ALG14: variants seen among roughly 807,000 people sequenced by gnomAD.
ALG14 encodes the protein ALG14 UDP-N-acetylglucosaminyltransferase subunit, also known as UDP-N-acetylglucosamine transferase subunit ALG14.
In ALG14, 17 loss-of-function variants were observed where a neutral mutation model predicts 22.8. The observed-to-expected ratio is 0.75, with a 90% CI of 0.51 to 1.12. The LOEUF is 1.12. ALG14 is among the 50% of genes most tolerant of loss of function. The pLI, the probability that ALG14 is intolerant of heterozygous loss-of-function variation, is 0.00. For missense variants in ALG14, 288 were observed against 271.8 expected (o/e 1.06, Z -0.42); for synonymous variants, 89 against 103.7 (o/e 0.86, Z 0.86).
intron 3 of ALG14, among the ~76,000 whole-genome samples, chr1:94,984,203 C>T (rs914008613): frequency 1.3e-5 from 2 of 152,156 alleles, no homozygotes; most frequent in African/African-American, 4.8e-5. Flanking sequence ...CTTTATTCCA[C>T]AAACCATAAA....
intron 2 of ALG14, among the ~76,000 whole-genome samples, chr1:95,035,090 C>T (rs1674140626): frequency 6.6e-6 from 1 of 152,224 alleles, no homozygotes; most frequent in Non-Finnish European, 1.5e-5. Flanking sequence ...AACTTTAGGC[C>T]TCAAGGCCCT....
intron 2 of ALG14, among the ~76,000 whole-genome samples, chr1:95,046,968 C>CA (rs1379835335): frequency 1.5e-5 from 2 of 130,946 alleles, no homozygotes; most frequent in Admixed American, 7.7e-5. Context: ...CCCTGTCTCA[C>CA]AAAAAAACAT....
intron 3 of ALG14, among the ~76,000 whole-genome samples, chr1:95,013,011 C>G (rs1673409517): frequency 6.6e-6 from 1 of 151,640 alleles, no homozygotes; most frequent in African/African-American, 2.4e-5. Flanking sequence ...TGGCAGGCAC[C>G]TATAATCCCA....
At position 95,056,748 on chromosome 1, in the gene ALG14, A is replaced by C. The variant is rs1363456014; in HGVS notation, c.288+8118T>G. ...AATATAAATTTGGATTCCTAAAGGA[A>C]AATATAAACATTAAAATCTAAAACT... On this transcript the variant is annotated intron_variant, in intron 2 of 3. Coordinates refer to ENST00000370205, the MANE Select transcript of ALG14 (RefSeq NM_144988.4). Among the ~76,000 whole-genome samples, 454 of 152,044 alleles carry C rather than the reference A, an allele frequency of 3.0e-3. 18 individuals carry two copies. In the East Asian group the frequency reaches 0.086, roughly 29 times the overall value.
At position 95,072,823 on chromosome 1, in the gene ALG14, GCA is replaced by G. The variant is rs1410900687; in HGVS notation, c.74_75del (p.Val25AlafsTer26). ...AVFLILRIWV[V>X]LRSMDVTPRE... The stretch of plus-strand genomic sequence containing the variant: ...CGGGGCGTAACGTCCATGGAACGAA[GCA>G]CTACCCATATTCGCAGGATTAGGAA... On this transcript the variant is annotated frameshift_variant, in exon 1 of 4. Transcript: ENST00000370205. LOFTEE classifies it high-confidence loss of function. 1.2e-6 allele frequency: 2 copies of G among 1,614,050 alleles called. No homozygotes were observed. Among genetic ancestry groups the G allele is most frequent in the African/African-American group, 2.7e-5 (2 of 74,922 alleles).
intron 2 of ALG14, among the ~76,000 whole-genome samples, chr1:95,036,575 C>T (rs928554936): frequency 4.0e-5 from 6 of 151,718 alleles, no homozygotes; most frequent in African/African-American, 1.5e-4. Flanking sequence ...TACAGGTATG[C>T]GCCACCATAC....
At chr1:94,988,357 T>C (rs914451381) in intron 3 of ALG14, among the ~76,000 whole-genome samples, 6 of 152,170 alleles carry the variant, frequency 3.9e-5, no homozygotes, top group Admixed American at 1.3e-4. Context: ...CCTAAAAGTG[T>C]GTCAAAGATG....
chr1:95,034,570 T>G (rs1674122087), intron 2 of ALG14, among the ~76,000 whole-genome samples: 2 of 152,198 alleles, frequency 1.3e-5, no homozygotes, highest in Non-Finnish European at 2.9e-5. Flanking sequence ...CTTTCTCACT[T>G]TGCAGATGAG....
chr1:95,031,631 G>C (rs1296677419), intron 2 of ALG14, among the ~76,000 whole-genome samples: 3 of 151,996 alleles, frequency 2.0e-5, no homozygotes, highest in African/African-American at 7.3e-5. Context: ...TTCCTGACTA[G>C]CCTTTCTAAA....
intron 3 of ALG14, among the ~76,000 whole-genome samples, chr1:95,012,491 A>G (rs1006903218): frequency 8.5e-5 from 13 of 152,322 alleles, no homozygotes; most frequent in African/African-American, 3.1e-4. Context: ...GGAGTCCAAT[A>G]AGATTTTGCT....
intron 3 of ALG14, among the ~76,000 whole-genome samples, chr1:95,026,712 T>G (rs1388696525): frequency 6.6e-6 from 1 of 152,118 alleles, no homozygotes; most frequent in Non-Finnish European, 1.5e-5. Flanking sequence ...GCAGATTACT[T>G]GAGGTCAGGA....
At chr1:95,062,579 T>C (rs1299756377) in intron 2 of ALG14, among the ~76,000 whole-genome samples, 1 of 152,216 alleles carries the variant, frequency 6.6e-6, no homozygotes, top group Non-Finnish European at 1.5e-5. Flanking sequence ...ATTAGTTTGC[T>C]GAGGATAACG....
chr1:95,020,933 T>C (rs1239385202), intron 3 of ALG14, among the ~76,000 whole-genome samples: 3 of 152,218 alleles, frequency 2.0e-5, no homozygotes, highest in African/African-American at 4.8e-5. Context: ...TTTTATGTTA[T>C]GTGAATTTCA....
intron 3 of ALG14, among the ~76,000 whole-genome samples, chr1:95,025,152 A>C (rs1673774694): frequency 6.6e-6 from 1 of 152,210 alleles, no homozygotes; most frequent in Admixed American, 6.5e-5. Context: ...ATCTCCTTGT[A>C]TATCTCCATC....
intron 3 of ALG14, among the ~76,000 whole-genome samples, chr1:94,984,668 A>G (rs1672590870): frequency 6.6e-6 from 1 of 152,154 alleles, no homozygotes. Context: ...ACTGGTCTTT[A>G]ATCTCCATTA....
Position 94,983,192 on chromosome 1 carries a change from C to T in ALG14, c.535G>A (p.Glu179Lys), listed in dbSNP as rs957188576. The change falls in exon 4 of 4, where the codon GAA (glutamate) becomes AAA (lysine). Residue 179 changes from glutamate to lysine, a missense_variant. Coordinates refer to ENST00000370205, the MANE Select transcript of ALG14 (RefSeq NM_144988.4). ...IVYVESICRV[E>K]TLSMSGKILF... ...ATCTTTCCGGACATGGATAACGTTT[C>T]TACACGGCAGATGCTTTCAACGTAG... 5 of 1,614,026 alleles carry T rather than the reference C, an allele frequency of 3.1e-6. No individual in the cohort carries two copies. Among genetic ancestry groups the T allele is most frequent in the Admixed American group, 3.3e-5 (2 of 59,992 alleles).
chr1:95,007,118 G>A (rs1228742747), intron 3 of ALG14, among the ~76,000 whole-genome samples: 3 of 152,168 alleles, frequency 2.0e-5, no homozygotes, highest in Non-Finnish European at 4.4e-5. Context: ...TCACCGTACT[G>A]CCAGTATTGA....
At chr1:95,032,741 C>T (rs553687401) in intron 2 of ALG14, among the ~76,000 whole-genome samples, 4 of 152,250 alleles carry the variant, frequency 2.6e-5, no homozygotes, top group Non-Finnish European at 4.4e-5. Flanking sequence ...GATGGGAACC[C>T]GGGCCATCCT....
Position 95,025,138 on chromosome 1 carries a change from A to G in ALG14, c.420+1991T>C, listed in dbSNP as rs1241626409. The stretch of plus-strand genomic sequence containing the variant: ...ATGCTGTGTTAGCAGGCATAAAGAT[A>G]TTAATCTCCTTGTATATCTCCATCA... On this transcript the variant is annotated intron_variant, in intron 3 of 3. Coordinates refer to ENST00000370205, the MANE Select transcript of ALG14 (RefSeq NM_144988.4). Among the ~76,000 whole-genome samples, 75 of 152,224 alleles carry G rather than the reference A, an allele frequency of 4.9e-4. 1 individual carries two copies. Among genetic ancestry groups the G allele is most frequent in the Admixed American group, 4.9e-3 (75 of 15,276 alleles).
Sources: allele counts gnomAD v4.1 joint callset (sites outside exome capture counted in the v4.1 genomes callset), GRCh38; gene constraint gnomAD v4.1.1; transcripts MANE v1.5; gene names NCBI Gene and HGNC (gene_info 2026-07-23, HGNC 2026-07-21).